Variants in RO60 observed in about 807,000 individuals in gnomAD.
RO60 encodes the protein RNA-binding protein RO60.
Under a neutral mutation model 55.3 loss-of-function variants are expected in RO60, and 20 were observed. That is an observed-to-expected ratio of 0.36 (90% CI 0.25 to 0.53). RO60 has a LOEUF of 0.53. RO60 is among the 20% of genes least tolerant of loss of function. RO60 has a pLI of 0.92. For missense variants in RO60, 558 were observed against 646.6 expected (o/e 0.86, Z 1.49); for synonymous variants, 213 against 213.6 (o/e 1.00, Z 0.02).
chr1:193,059,858 C>CA lies in RO60; in HGVS notation c.-22+82_-22+83insA. ...AAATTCTGACCAGTCCTCCATGTCT[C>CA]TCACCCGCATCCCAGGGGTTGAGGC... On this transcript the variant is annotated intron_variant, in intron 1 of 8. Coordinates refer to ENST00000400968, the MANE Select transcript of RO60 (RefSeq NM_001173524.2). The surrounding 1 kb of genome is among the most constrained non-coding windows in gnomAD (Gnocchi z 4.9). 7.3e-7 allele frequency: 1 copy of CA among 1,363,766 alleles called. No homozygotes were observed. The highest frequency in any genetic ancestry group is 9.8e-7 in the Non-Finnish European group (1 of 1,020,682). The allele number at this position is 1,363,766 out of a possible 1,614,324, so 84.5% of individuals were successfully genotyped here.
intron 8 of RO60, 81 bp downstream of exon 8, chr1:193,082,789 G>GAAT: frequency 1.7e-6 from 2 of 1,187,424 alleles, no homozygotes; most frequent in Non-Finnish European, 2.3e-6. Flanking sequence ...TTTGGAGACA[G>GAAT]GACCTCATTC....
At position 193,085,705 on chromosome 1, in the gene RO60, A is replaced by C; in HGVS notation, c.*974A>C. On this transcript the variant is annotated 3_prime_UTR_variant, in exon 9 of 9. Transcript: ENST00000400968. ...TTACTTTTAACTATTTTTTTAGTTA[A>C]TATTTTTAAAAGTATACATGTCAAT... 1.0e-6 allele frequency: 1 copy of C among 980,140 alleles called. No homozygotes were observed. 60.7% of individuals were successfully genotyped at this position (980,140 alleles called of 1,614,324 possible).
rs1558219482 is a variant in RO60, at chr1:193,059,801, TG to T, written c.-22+28del. 5.9e-6 allele frequency: 8 copies of T among 1,356,682 alleles called. 1 individual carries two copies. The South Asian group carries it at 9.3e-5, about 16-fold the overall frequency. The allele number at this position is 1,356,682 out of a possible 1,614,324, so 84.0% of individuals were successfully genotyped here. ...GGTGAGGACATTGCGGGAGGCCGGC[TG>T]GGAGCCTTTTGTGCGGCCCCAGGGA... On this transcript the variant is annotated intron_variant, in intron 1 of 8. Coordinates refer to ENST00000400968, the MANE Select transcript of RO60 (RefSeq NM_001173524.2). The surrounding 1 kb of genome is among the most constrained non-coding windows in gnomAD (Gnocchi z 4.9).
intron 2 of RO60, among the ~76,000 whole-genome samples, chr1:193,074,372 G>A (rs543189675): frequency 1.9e-4 from 29 of 152,164 alleles, no homozygotes; most frequent in Admixed American, 7.2e-4. Flanking sequence ...AAGTGTTCCT[G>A]TTTCTCCACA....
intron 2 of RO60, chr1:193,070,677 C>T (rs528143186): frequency 2.0e-4 from 77 of 377,818 alleles, no homozygotes; most frequent in Non-Finnish European, 2.2e-4. Context: ...GGAGAATAAG[C>T]TTACAATTAT....
intron 3 of RO60, 104 bp downstream of exon 3, chr1:193,076,144 A>G: frequency 3.1e-6 from 2 of 641,186 alleles, no homozygotes; most frequent in Non-Finnish European, 4.9e-6. Context: ...TTTTAAAAAG[A>G]AATTATTTAA....
intron 1 of RO60, chr1:193,060,141 G>C: frequency 8.4e-7 from 1 of 1,186,516 alleles, no homozygotes; most frequent in Non-Finnish European, 1.1e-6. Context: ...GGCGTCGCCC[G>C]GGATCTGGGT....
At chr1:193,068,815 C>T (rs559879991) in intron 1 of RO60, among the ~76,000 whole-genome samples, 1 of 152,308 alleles carries the variant, frequency 6.6e-6, no homozygotes, top group East Asian at 1.9e-4. Flanking sequence ...GTAGTCATTT[C>T]AAAGTATTCA....
In RO60 at chr1:193,088,788, A is replaced by T. The variant is rs1165261543; in HGVS notation, c.*4057A>T. 2 of 152,086 alleles carry T rather than the reference A, an allele frequency of 1.3e-5. No individual in the cohort carries two copies. The highest frequency in any genetic ancestry group is 2.4e-5 in the African/African-American group (1 of 41,432). 9.4% of individuals were successfully genotyped at this position (152,086 alleles called of 1,614,324 possible). A position where few individuals can be genotyped will look rare whatever the true frequency, so the allele number is the denominator to read the frequency against. Reference sequence around the variant, plus strand: ...CAGGTTAATCAATGAAATTAGTTGTATTTACTGTTTGGATTTTATTTAGTG... The same window carrying T: ...CAGGTTAATCAATGAAATTAGTTGTTTTTACTGTTTGGATTTTATTTAGTG... On this transcript the variant is annotated 3_prime_UTR_variant, in exon 9 of 9. Transcript: ENST00000400968.
In RO60 at chr1:193,060,187, A is replaced by C. The variant is rs1672441353; in HGVS notation, c.-22+411A>C. On this transcript the variant is annotated intron_variant, in intron 1 of 8. Coordinates refer to ENST00000400968, the MANE Select transcript of RO60 (RefSeq NM_001173524.2). ...GGATCTTTGTGGGAAGACAGGGTGA[A>C]TTTATCACAGAGGAATAACGAGGGA... The C allele has an allele frequency of 2.9e-6, 3 of 1,020,270 alleles. No individual in the cohort carries two copies. The South Asian group carries it at 4.9e-5, about 17-fold the overall frequency. 63.2% of individuals were successfully genotyped at this position (1,020,270 alleles called of 1,614,324 possible).
chr1:193,067,292 TCTC>T (rs1332024990), intron 1 of RO60, among the ~76,000 whole-genome samples: 1 of 151,284 alleles, frequency 6.6e-6, no homozygotes, highest in Non-Finnish European at 1.5e-5. Flanking sequence ...TTCACGCCAT[TCTC>T]CTGCCTCAGC....
At chr1:193,082,763 AT>A (rs201236241) in intron 8 of RO60, 55 bp downstream of exon 8, 232,958 of 1,109,382 alleles carry the variant, frequency 0.21, 2 homozygotes, top group East Asian at 0.23. Context: ...TTAATACTTG[AT>A]TTTTTTTTTT....
chr1:193,085,356 G>A lies in RO60; in HGVS notation c.*625G>A, dbSNP rs1185795276. ...TATTTCTGATGTTTTATTTGCACTT[G>A]TGGAATATGTTACCATTAATCAGAA... On this transcript the variant is annotated 3_prime_UTR_variant, in exon 9 of 9. Coordinates refer to ENST00000400968, the MANE Select transcript of RO60 (RefSeq NM_001173524.2). The A allele has an allele frequency of 3.0e-6, 3 of 998,082 alleles. No homozygotes were observed. The highest frequency in any genetic ancestry group is 3.5e-5 in the African/African-American group (2 of 57,746). The allele number at this position is 998,082 out of a possible 1,614,324, so 61.8% of individuals were successfully genotyped here.
Position 193,088,151 on chromosome 1 carries a change from T to C in RO60, c.*3420T>C, listed in dbSNP as rs960794515. The C allele has an allele frequency of 9.4e-5, 13 of 138,982 alleles. No homozygotes were observed. The highest frequency in any genetic ancestry group is 3.3e-4 in the African/African-American group (12 of 36,024). 8.6% of individuals were successfully genotyped at this position (138,982 alleles called of 1,614,324 possible). On this transcript the variant is annotated 3_prime_UTR_variant, in exon 9 of 9. Transcript: ENST00000400968. ...CCAGGAACACTGGTGTGCACTGCAC[T>C]ACCACGCCTGCTTTTTTTTTTTTTT...
chr1:193,082,723 A>C lies in RO60; in HGVS notation c.1464+15A>C. The C allele has an allele frequency of 6.3e-7, 1 of 1,591,292 alleles. No individual in the cohort carries two copies. Among genetic ancestry groups the C allele is most frequent in the South Asian group, 1.2e-5 (1 of 86,860 alleles). The stretch of plus-strand genomic sequence containing the variant: ...AGTATCGAAAGGTAAAACAAATTCT[A>C]ATACGGTTCCTCACCCAAATAATAT... On this transcript the variant is annotated intron_variant, in intron 8 of 8. Coordinates refer to ENST00000400968, the MANE Select transcript of RO60 (RefSeq NM_001173524.2).
At chr1:193,068,575 G>A (rs906105645) in intron 1 of RO60, among the ~76,000 whole-genome samples, 2 of 152,172 alleles carry the variant, frequency 1.3e-5, no homozygotes, top group African/African-American at 2.4e-5. Context: ...TACTATTGCT[G>A]CCCTCCCTTC....
chr1:193,068,958 TA>T, intron 1 of RO60, 75 bp from the exon 2 acceptor site: 1 of 941,920 alleles, frequency 1.1e-6, no homozygotes. Context: ...AACATTTCAG[TA>T]AACCTACATT....
intron 1 of RO60, among the ~76,000 whole-genome samples, chr1:193,066,309 A>G (rs1452345817): frequency 6.6e-6 from 1 of 152,182 alleles, no homozygotes; most frequent in African/African-American, 2.4e-5. Context: ...TTTTTCTCTA[A>G]GTCCCATCCT....
At chr1:193,077,948 T>G (rs1182488322) in intron 5 of RO60, among the ~76,000 whole-genome samples, 1 of 152,088 alleles carries the variant, frequency 6.6e-6, no homozygotes, top group Non-Finnish European at 1.5e-5. Context: ...AAAAAATGAG[T>G]TTTTTAGTAA....
Sources: allele counts gnomAD v4.1 joint callset (sites outside exome capture counted in the v4.1 genomes callset), GRCh38; gene constraint gnomAD v4.1.1; non-coding constraint Gnocchi (gnomAD v3.1); transcripts MANE v1.5; gene names NCBI Gene and HGNC (gene_info 2026-07-23, HGNC 2026-07-21).